The following ME1 variants were observed in gnomAD, a reference collection of about 807,000 sequenced individuals.
ME1 encodes the protein malic enzyme 1.
A neutral mutation model predicts 66.4 loss-of-function variants in ME1; 74 were observed. The observed-to-expected ratio is 1.11, with a 90% CI of 0.92 to 1.35. The LOEUF (loss-of-function observed/expected upper bound fraction) is 1.35. Ranked by LOEUF, ME1 falls within the 40% of genes most tolerant of loss-of-function variation. The pLI is 0.00. For missense variants in ME1, 750 were observed against 694.1 expected (o/e 1.08, Z -0.90); for synonymous variants, 251 against 235.6 (o/e 1.07, Z -0.60).
intron 3 of ME1, among the ~76,000 whole-genome samples, chr6:83,383,429 T>A (rs1379484081): frequency 6.6e-6 from 1 of 151,940 alleles, no homozygotes; most frequent in Non-Finnish European, 1.5e-5. Flanking sequence ...TAACCTCTTC[T>A]TCATTTATTC....
chr6:83,429,629 T>G (rs1251577112), intron 1 of ME1, among the ~76,000 whole-genome samples: 1 of 152,234 alleles, frequency 6.6e-6, no homozygotes, highest in Non-Finnish European at 1.5e-5. Flanking sequence ...TATTTACAAT[T>G]TAATAATGCT....
In ME1 at chr6:83,262,694, A is replaced by G. The variant is rs570946778; in HGVS notation, c.705-8956T>C. ...GAAATGTCCTCAGAGATGATTTAGC[A>G]ATAACTAATGACCAGGAAGGTTAAA... On this transcript the variant is annotated intron_variant, in intron 6 of 13. Transcript: ENST00000369705. 1.4e-4 allele frequency among the ~76,000 whole-genome samples: 21 copies of G among 152,344 alleles called. No homozygotes were observed. In the South Asian group the frequency reaches 2.5e-3, roughly 18 times the overall value.
At chr6:83,392,741 G>A (rs1769646534) in intron 3 of ME1, 4 of 642,340 alleles carry the variant, frequency 6.2e-6, no homozygotes, top group Admixed American at 1.8e-5. Flanking sequence ...GAGAAGGCTG[G>A]GGCTCACTTG....
intron 1 of ME1, 60 bp downstream of exon 1, chr6:83,430,817 G>C: frequency 3.5e-6 from 5 of 1,420,106 alleles, no homozygotes; most frequent in Non-Finnish European, 4.9e-6. Context: ...GGACCTGCAA[G>C]AGGGCCCTGA....
At chr6:83,331,674 A>G (rs1338106098) in intron 5 of ME1, among the ~76,000 whole-genome samples, 1 of 152,044 alleles carries the variant, frequency 6.6e-6, no homozygotes, top group Non-Finnish European at 1.5e-5. Context: ...ACGGGCATCT[A>G]CAAGTCAAGG....
intron 4 of ME1, 50 bp downstream of exon 4, chr6:83,352,012 TGG>T: frequency 8.9e-7 from 1 of 1,124,294 alleles, no homozygotes; most frequent in Non-Finnish European, 1.3e-6. Flanking sequence ...AACTGTTTTA[TGG>T]GACAGAAAAA....
At chr6:83,324,897 G>A (rs936107402) in intron 5 of ME1, among the ~76,000 whole-genome samples, 1 of 152,006 alleles carries the variant, frequency 6.6e-6, no homozygotes, top group African/African-American at 2.4e-5. Context: ...ACCAAAACCT[G>A]GCAGAGACAC....
chr6:83,222,191 T>G (rs1790107059), intron 12 of ME1, among the ~76,000 whole-genome samples: 2 of 152,210 alleles, frequency 1.3e-5, no homozygotes, highest in Non-Finnish European at 2.9e-5. Flanking sequence ...AAAAGCTACT[T>G]TTACATGCTC....
At chr6:83,340,209 C>T (rs558263909) in intron 5 of ME1, among the ~76,000 whole-genome samples, 1 of 152,096 alleles carries the variant, frequency 6.6e-6, no homozygotes, top group East Asian at 1.9e-4. Flanking sequence ...AAACATATTA[C>T]CTATAAATAA....
chr6:83,396,914 C>T (rs532364307), intron 3 of ME1, among the ~76,000 whole-genome samples: 14 of 152,064 alleles, frequency 9.2e-5, no homozygotes, highest in African/African-American at 2.4e-4. Flanking sequence ...TAAATGGTGA[C>T]GGGAAAACTG....
intron 3 of ME1, among the ~76,000 whole-genome samples, chr6:83,393,597 CCT>C (rs34322136): frequency 0.25 from 36,316 of 146,562 alleles, 5,180 homozygotes; most frequent in Middle Eastern, 0.45. Context: ...AATAAAATCC[CCT>C]GTGCTTGCCA....
At chr6:83,376,964 ATCAAGGAATGAAATCTGTAACT>A (rs1235300461) in intron 3 of ME1, among the ~76,000 whole-genome samples, 2 of 152,180 alleles carry the variant, frequency 1.3e-5, no homozygotes, top group African/African-American at 2.4e-5. Context: ...TTTCCAATAC[ATCAAGGAATGAAATCTGTAACT>A]TCAAGTTTAT....
At chr6:83,362,108 G>C (rs1036989148) in intron 3 of ME1, among the ~76,000 whole-genome samples, 2 of 152,212 alleles carry the variant, frequency 1.3e-5, no homozygotes, top group Non-Finnish European at 2.9e-5. Context: ...CTGAAGGACA[G>C]CAGTGAAGGG....
intron 6 of ME1, among the ~76,000 whole-genome samples, chr6:83,308,298 T>A (rs1438543386): frequency 6.7e-6 from 1 of 150,208 alleles, no homozygotes; most frequent in East Asian, 1.9e-4. Flanking sequence ...CTTTGTTGAA[T>A]ATTAGCTATT....
intron 1 of ME1, among the ~76,000 whole-genome samples, chr6:83,409,385 G>C (rs762474217): frequency 1.3e-5 from 2 of 152,212 alleles, no homozygotes; most frequent in Non-Finnish European, 2.9e-5. Flanking sequence ...TGCAATGACA[G>C]AATAGTGGCT....
chr6:83,373,004 T>C (rs1309979733), intron 3 of ME1, among the ~76,000 whole-genome samples: 1 of 152,232 alleles, frequency 6.6e-6, no homozygotes, highest in East Asian at 1.9e-4. Flanking sequence ...CTACTAAATA[T>C]TCCCAGATAT....
chr6:83,339,621 C>A, intron 5 of ME1, among the ~76,000 whole-genome samples: 1 of 15,826 alleles, frequency 6.3e-5, no homozygotes, highest in African/African-American at 2.0e-4. Context: ...ACATATACAC[C>A]ATGGAATACT....
chr6:83,361,590 G>A lies in ME1; in HGVS notation c.363-9451C>T, dbSNP rs961379663. On this transcript the variant is annotated intron_variant, in intron 3 of 13. Transcript: ENST00000369705. ...TGCTGTTTGGAGCCTTTGGCAAGCC[G>A]CCATAGGTGAATCACAGTGGTGGCC... 6.6e-5 allele frequency among the ~76,000 whole-genome samples: 10 copies of A among 152,350 alleles called. 1 individual carries two copies. Among genetic ancestry groups the A allele is most frequent in the South Asian group, 6.2e-4 (3 of 4,832 alleles).
chr6:83,344,262 G>A (rs1377487475), intron 5 of ME1, among the ~76,000 whole-genome samples: 1 of 150,404 alleles, frequency 6.6e-6, no homozygotes, highest in African/African-American at 2.5e-5. Context: ...CTACAGCCTG[G>A]GTGGCAGTGC....
Sources: allele counts gnomAD v4.1 joint callset (sites outside exome capture counted in the v4.1 genomes callset), GRCh38; gene constraint gnomAD v4.1.1; transcripts MANE v1.5; gene names NCBI Gene and HGNC (gene_info 2026-07-23, HGNC 2026-07-21).